The following ATP2B3 variants were observed in gnomAD, a reference collection of about 807,000 sequenced individuals.
The protein encoded by ATP2B3 is plasma membrane calcium-transporting ATPase 3.
A neutral mutation model predicts 70.8 loss-of-function variants in ATP2B3; 12 were observed. The ratio of observed to expected loss-of-function variants is 0.17; its 90% CI spans 0.11 to 0.27. ATP2B3 has a LOEUF of 0.27. Ranked by LOEUF, ATP2B3 falls within the 10% of genes least tolerant of loss-of-function variation. ATP2B3 has a pLI of 1.00. For synonymous variants in ATP2B3, 460 were observed against 497.8 expected (o/e 0.92, Z 1.01); for missense variants, 858 against 1,118.5 (o/e 0.77, Z 3.32).
In ATP2B3 at chrX:153,541,365, C is replaced by A. The variant is rs376408495; in HGVS notation, c.215C>A (p.Ala72Glu). The A allele has an allele frequency of 2.5e-6, 3 of 1,211,776 alleles. No individual in the cohort carries two copies. The highest frequency in any genetic ancestry group is 1.7e-5 in the African/African-American group (1 of 57,871). ...CTTCCGGGGCACCATGCAGGCCTGGCGGACAACACCAATGACCTGGAGAAG... is the reference window on the plus strand; with the variant it reads ...CTTCCGGGGCACCATGCAGGCCTGGAGGACAACACCAATGACCTGGAGAAG... ...RLKTSPTEGL[A>E]DNTNDLEKRR... Residue 72 changes from alanine to glutamate, a missense_variant, in exon 4 of 22, where the codon GCG (alanine) becomes GAG (glutamate). This residue lies in a region of ATP2B3 where 278 missense variants were observed against 366.2 expected (regional missense o/e 0.76). Coordinates refer to ENST00000263519, the MANE Select transcript of ATP2B3 (RefSeq NM_001001344.3).
rs1278058313 is a variant in ATP2B3, at chrX:153,582,393, G to C, written c.*2095G>C. The C allele has an allele frequency of 8.9e-6, 1 of 112,870 alleles. No homozygotes were observed. Among genetic ancestry groups the C allele is most frequent in the Non-Finnish European group, 1.9e-5 (1 of 53,316 alleles). The allele number at this position is 112,870 out of a possible 1,213,427, so 9.3% of individuals were successfully genotyped here. ...AATAAGAAAAAGGGCAACTCCATTTGTTGAGGGTCTTTGTGTTCTTCAATG... is the reference window on the plus strand; with the variant it reads ...AATAAGAAAAAGGGCAACTCCATTTCTTGAGGGTCTTTGTGTTCTTCAATG... On this transcript the variant is annotated 3_prime_UTR_variant, in exon 22 of 22. Transcript: ENST00000263519.
intron 21 of ATP2B3, among the ~76,000 whole-genome samples, chrX:153,573,953 A>T (rs1272089716): frequency 1.8e-5 from 2 of 112,786 alleles, no homozygotes; most frequent in East Asian, 5.6e-4. Context: ...ACACACAGCC[A>T]TGTCTTGTCT....
chrX:153,543,343 C>T (rs782039688), intron 7 of ATP2B3, among the ~76,000 whole-genome samples, 175 bp downstream of exon 7: 1 of 112,445 alleles, frequency 8.9e-6, no homozygotes, highest in East Asian at 2.8e-4. Flanking sequence ...GGATATCCCC[C>T]CTGAGAGCCG....
At chrX:153,577,019 ACTCAC>A (rs1159458032) in intron 21 of ATP2B3, among the ~76,000 whole-genome samples, 1 of 112,146 alleles carries the variant, frequency 8.9e-6, no homozygotes, top group African/African-American at 3.2e-5. Context: ...GCTGTAACAG[ACTCAC>A]CAGGACTCCA....
intron 2 of ATP2B3, among the ~76,000 whole-genome samples, chrX:153,532,257 C>T (rs1032653028): frequency 4.4e-5 from 5 of 112,618 alleles, no homozygotes; most frequent in Admixed American, 9.3e-5. Context: ...CCCATGGGAG[C>T]GGGGGTGCCC....
Position 153,550,144 on chromosome X carries a change from G to A in ATP2B3, c.1681G>A (p.Val561Met), listed in dbSNP as rs371089124. 93 of 1,211,461 alleles carry A rather than the reference G, an allele frequency of 7.7e-5. No homozygotes were observed. The highest frequency in any genetic ancestry group is 8.5e-5 in the Non-Finnish European group (76 of 895,494). Residue 561 changes from valine (V) to methionine (M), a missense_variant, in exon 12 of 22, where the codon GTG (valine) becomes ATG (methionine). By Grantham distance (21) the Val-to-Met change is conservative. Transcript: ENST00000263519. ...VLDLKRDFQPVREQIPEDKLY... is the reference protein window; with the variant it reads ...VLDLKRDFQPMREQIPEDKLY... ...GGACCTGAAGCGGGACTTCCAGCCC[G>A]TGCGCGAGCAGATCCCGGAAGACAA...
At chrX:153,534,827 T>G (rs1333298961) in intron 2 of ATP2B3, among the ~76,000 whole-genome samples, 5 of 113,090 alleles carry the variant, frequency 4.4e-5, no homozygotes, top group Non-Finnish European at 7.5e-5. Context: ...GGATGGATGT[T>G]TCGTGAAGTA....
At chrX:153,529,681 T>G (rs1557001179) in intron 2 of ATP2B3, among the ~76,000 whole-genome samples, 1 of 112,025 alleles carries the variant, frequency 8.9e-6, no homozygotes, top group Non-Finnish European at 1.9e-5. Context: ...TTGTTCGTCT[T>G]CCCAAACTGA....
intron 20 of ATP2B3, among the ~76,000 whole-genome samples, chrX:153,564,635 G>A (rs1481103171): frequency 8.9e-6 from 1 of 112,864 alleles, no homozygotes; most frequent in Non-Finnish European, 1.9e-5. Context: ...TAGACTGGGA[G>A]GCTTAGACAA....
chrX:153,532,127 A>G (rs1367295091), intron 2 of ATP2B3, among the ~76,000 whole-genome samples: 4 of 112,209 alleles, frequency 3.6e-5, no homozygotes, highest in African/African-American at 1.3e-4. Flanking sequence ...AGGCAGGGAG[A>G]GTTCTCCTGG....
intron 13 of ATP2B3, among the ~76,000 whole-genome samples, chrX:153,554,184 G>A (rs781948033): frequency 1.8e-5 from 2 of 113,839 alleles, no homozygotes; most frequent in African/African-American, 6.4e-5. Context: ...GGAGCACCTC[G>A]AGCTTGCCCT....
At chrX:153,523,337 C>G (rs1340305121) in intron 2 of ATP2B3, among the ~76,000 whole-genome samples, 1 of 112,278 alleles carries the variant, frequency 8.9e-6, no homozygotes, top group Non-Finnish European at 1.9e-5. Flanking sequence ...AATATTCTCC[C>G]AAGAGATTGT....
chrX:153,533,646 G>A (rs2090149002), intron 2 of ATP2B3, among the ~76,000 whole-genome samples: 1 of 111,567 alleles, frequency 9.0e-6, no homozygotes, highest in African/African-American at 3.3e-5. Flanking sequence ...TGAGGGGTGG[G>A]GATCCTGCAG....
chrX:153,536,566 C>A, intron 3 of ATP2B3, 111 bp downstream of exon 3: 1 of 864,885 alleles, frequency 1.2e-6, no homozygotes, highest in Non-Finnish European at 1.6e-6. Flanking sequence ...CCACCTGTGC[C>A]CCTCCTCTCA....
At chrX:153,527,768 C>T (rs1190266417) in intron 2 of ATP2B3, among the ~76,000 whole-genome samples, 3 of 112,689 alleles carry the variant, frequency 2.7e-5, no homozygotes, top group Non-Finnish European at 3.8e-5. Context: ...CTTCACCGGT[C>T]GAGCTTGGTC....
intron 16 of ATP2B3, 40 bp from the exon 17 acceptor site, chrX:153,558,072 C>G: frequency 8.6e-7 from 1 of 1,161,502 alleles, no homozygotes; most frequent in Non-Finnish European, 1.2e-6. Context: ...GAAGGGGCCC[C>G]CACAAACACT....
Position 153,541,937 on chromosome X carries a change from T to C in ATP2B3, c.664+11T>C, listed in dbSNP as rs782335146. The C allele has an allele frequency of 8.4e-7, 1 of 1,194,804 alleles. No individual in the cohort carries two copies. The highest frequency in any genetic ancestry group is 1.8e-5 in the African/African-American group (1 of 56,826). Reference sequence around the variant, plus strand: ...CCCAGGTCAAGTACGGTGAGTGCCCTGGTCTTCACCCACCCTGTCAAGGAA... The same window carrying C: ...CCCAGGTCAAGTACGGTGAGTGCCCCGGTCTTCACCCACCCTGTCAAGGAA... On this transcript the variant is annotated intron_variant, in intron 5 of 21. Transcript: ENST00000263519.
intron 21 of ATP2B3, among the ~76,000 whole-genome samples, chrX:153,565,473 C>T (rs781911294): frequency 8.9e-6 from 1 of 112,805 alleles, no homozygotes; most frequent in Non-Finnish European, 1.9e-5. Flanking sequence ...GTGACAGTAT[C>T]GGGAAGAGAG....
Position 153,548,656 on chromosome X carries a change from C to T in ATP2B3, c.1140C>T (p.Ala380=), listed in dbSNP as rs782681388. ...CTGTGGCAGGGCTGGTGATGTCTGCCATCACCGTCATCATCCTGGTCCTCT... is the reference window on the plus strand; with the variant it reads ...CTGTGGCAGGGCTGGTGATGTCTGCTATCACCGTCATCATCCTGGTCCTCT... The part of the protein sequence containing the change: ...QIGKAGLVMS[A]ITVIILVLYF... Residue 380 remains alanine, a synonymous_variant, in exon 10 of 22, where the codon GCC becomes GCT. Transcript: ENST00000263519. 8.3e-7 allele frequency: 1 copy of T among 1,210,508 alleles called. No individual in the cohort carries two copies. Among genetic ancestry groups the T allele is most frequent in the Non-Finnish European group, 1.1e-6 (1 of 894,760 alleles).
Sources: gnomAD v4.1 joint callset for allele counts (sites outside exome capture counted in the v4.1 genomes callset) on GRCh38, gnomAD v4.1.1 for gene constraint, gnomAD v4.1.1 regional missense constraint, MANE v1.5 for transcripts, NCBI Gene and HGNC (gene_info 2026-07-23, HGNC 2026-07-21) for gene names.